ZFYVE28: variants seen among roughly 807,000 people sequenced by gnomAD.
The protein encoded by ZFYVE28 is zinc finger FYVE-type containing 28.
ZFYVE28 carries 40 observed loss-of-function variants against 82.1 expected under a neutral mutation model. That is an observed-to-expected ratio of 0.49 (90% confidence interval 0.38 to 0.63). The LOEUF is 0.63. Ranked by LOEUF, ZFYVE28 falls within the 30% of genes least tolerant of loss-of-function variation. ZFYVE28 has a pLI of 0.00. For synonymous variants in ZFYVE28, 612 were observed against 546.1 expected, an observed-to-expected ratio of 1.12 and a Z score of -1.68; for missense variants, 1,321 against 1,242.1, an observed-to-expected ratio of 1.06 and a Z score of -0.96.
At chr4:2,353,783 C>T in intron 2 of ZFYVE28, 150 bp downstream of exon 2, 1 of 1,011,610 alleles carries the variant, frequency 9.9e-7, no homozygotes, top group Non-Finnish European at 1.3e-6. Flanking sequence ...CCGGGATGGT[C>T]CCTCTTCCTG....
rs781554640 is a variant in ZFYVE28 at position 2,408,567 on chromosome 4, G to A, written c.39+9718C>T. Reference sequence around the variant, plus strand: ...AGCTGGCTGACCCTTCCCAACTGAAGCTCCGCCCAGTTGGGCCCCGCCCAG... The same window carrying A: ...AGCTGGCTGACCCTTCCCAACTGAAACTCCGCCCAGTTGGGCCCCGCCCAG... On this transcript the variant is annotated intron_variant, in intron 1 of 12. Coordinates refer to ENST00000290974, the MANE Select transcript of ZFYVE28 (RefSeq NM_020972.3). The surrounding 1 kb of genome is among the most constrained non-coding windows in gnomAD (Gnocchi z 4.3). 8.5e-5 allele frequency among the ~76,000 whole-genome samples: 13 copies of A among 152,202 alleles called. No individual in the cohort carries two copies. The highest frequency in any genetic ancestry group is 1.6e-4 in the Non-Finnish European group (11 of 68,028).
rs1414209665 is a variant in ZFYVE28, at chr4:2,348,415, C to A, written c.180+5518G>T. Among the ~76,000 whole-genome samples the A allele has an allele frequency of 2.0e-5, 3 of 152,218 alleles. No individual in the cohort carries two copies. The East Asian group carries it at 5.8e-4, about 29-fold the overall frequency. ...ACACTACACAAACTCTTCCATAAAA[C>A]TGAAGAGGACAGAATCCTTCACAAC... is the stretch of plus-strand genomic sequence containing the variant. On this transcript the variant is annotated intron_variant, in intron 2 of 12. Transcript: ENST00000290974.
At chr4:2,283,344 T>TATCCATCCATCC (rs145125230) in intron 8 of ZFYVE28, among the ~76,000 whole-genome samples, 8 of 120,164 alleles carry the variant, frequency 6.7e-5, no homozygotes, top group African/African-American at 3.0e-4. Context: ...CCCATCCATT[T>TATCCATCCATCC]ATCCATCCAT....
chr4:2,334,372 G>A (rs1050530300), intron 6 of ZFYVE28, among the ~76,000 whole-genome samples: 3 of 152,014 alleles, frequency 2.0e-5, no homozygotes, highest in Middle Eastern at 3.2e-3. Context: ...CCAACAAGGG[G>A]TGTTCGGCGC....
At position 2,300,723 on chromosome 4, in the gene ZFYVE28, C is replaced by T. The variant is rs1031313869; in HGVS notation, c.2051+3566G>A. On this transcript the variant is annotated intron_variant, in intron 8 of 12. Coordinates refer to ENST00000290974, the MANE Select transcript of ZFYVE28 (RefSeq NM_020972.3). The surrounding 1 kb of genome is among the most constrained non-coding windows in gnomAD (Gnocchi z 4.6). Reference sequence around the variant, plus strand: ...GGGGGAATCTCACAGGCTGGTCGGCCGCAGCTCCACACATTTCCTTCATTT... The same window carrying T: ...GGGGGAATCTCACAGGCTGGTCGGCTGCAGCTCCACACATTTCCTTCATTT... Among the ~76,000 whole-genome samples the T allele has an allele frequency of 1.3e-5, 2 of 152,102 alleles. No individual in the cohort carries two copies. The highest frequency in any genetic ancestry group is 2.4e-5 in the African/African-American group (1 of 41,414).
chr4:2,380,597 C>T, intron 1 of ZFYVE28, among the ~76,000 whole-genome samples: 1 of 152,162 alleles, frequency 6.6e-6, no homozygotes, highest in Non-Finnish European at 1.5e-5. Context: ...GGCTGTGTCC[C>T]CACCCAAATC....
At position 2,394,137 on chromosome 4, in the gene ZFYVE28, C is replaced by G. The variant is rs550584822; in HGVS notation, c.39+24148G>C. On this transcript the variant is annotated intron_variant, in intron 1 of 12. Coordinates refer to ENST00000290974, the MANE Select transcript of ZFYVE28 (RefSeq NM_020972.3). This position sits in a 1 kb window ranked among gnomAD's most constrained non-coding sequence, Gnocchi z 4.0. The stretch of plus-strand genomic sequence containing the variant: ...CCCAGCTCCTCTGACTCTCCTGCCC[C>G]CTTCTCCACTACTGAGGACTCCTGT... 2.0e-5 allele frequency among the ~76,000 whole-genome samples: 3 copies of G among 152,190 alleles called. No homozygotes were observed. The highest frequency in any genetic ancestry group is 4.4e-5 in the Non-Finnish European group (3 of 68,032).
At chr4:2,369,837 T>TA (rs1560296818) in intron 1 of ZFYVE28, among the ~76,000 whole-genome samples, 5 of 111,460 alleles carry the variant, frequency 4.5e-5, no homozygotes, top group Admixed American at 1.0e-4. Context: ...GAAGGGATTT[T>TA]TTTTTTTCTT....
chr4:2,299,935 T>A (rs1417939214), intron 8 of ZFYVE28, among the ~76,000 whole-genome samples: 2 of 152,064 alleles, frequency 1.3e-5, no homozygotes, highest in Non-Finnish European at 2.9e-5. Flanking sequence ...TAGCTGGGAC[T>A]ACAGGCCCAC....
intron 7 of ZFYVE28, among the ~76,000 whole-genome samples, chr4:2,307,256 T>C (rs1436991646): frequency 6.6e-6 from 1 of 152,214 alleles, no homozygotes; most frequent in Non-Finnish European, 1.5e-5. Context: ...TTGTCTGCCT[T>C]TTTCTTATTG....
intron 1 of ZFYVE28, among the ~76,000 whole-genome samples, chr4:2,396,826 AG>A (rs1730522387): frequency 6.6e-6 from 1 of 152,150 alleles, no homozygotes; most frequent in South Asian, 2.1e-4. Context: ...GCTGAAATGG[AG>A]GGCGGACAGC....
At position 2,341,731 on chromosome 4, in the gene ZFYVE28, T is replaced by C. The variant is rs1722843279; in HGVS notation, c.181-116A>G. On this transcript the variant is annotated intron_variant, in intron 2 of 12. Coordinates refer to ENST00000290974, the MANE Select transcript of ZFYVE28 (RefSeq NM_020972.3). This position sits in a 1 kb window ranked among gnomAD's most constrained non-coding sequence, Gnocchi z 4.5. ...CTGTTTTTTAGGATTATTAAAGTGA[T>C]AGAGGAGGCTAGGCACGGTGGCTCA... 2 of 1,424,114 alleles carry C rather than the reference T, an allele frequency of 1.4e-6. No homozygotes were observed. The highest frequency in any genetic ancestry group is 1.9e-6 in the Non-Finnish European group (2 of 1,046,648). 88.2% of individuals were successfully genotyped at this position (1,424,114 alleles called of 1,614,324 possible). A position where few individuals can be genotyped will look rare whatever the true frequency, so the allele number is the denominator to read the frequency against.
chr4:2,399,128 G>GGTGGGGGATGAGAT, intron 1 of ZFYVE28, among the ~76,000 whole-genome samples: 1 of 108,106 alleles, frequency 9.3e-6, no homozygotes, highest in East Asian at 2.7e-4. Context: ...GAGGGCACAA[G>GGTGGGGGATGAGAT]CTGGGTGGTG....
chr4:2,357,608 G>C (rs59743241), intron 1 of ZFYVE28, among the ~76,000 whole-genome samples: 2,219 of 152,266 alleles, frequency 0.015, 52 homozygotes, highest in African/African-American at 0.051. Flanking sequence ...GCCTGGTGTG[G>C]ATGGTCCCAC....
Position 2,334,527 on chromosome 4 carries a change from G to A in ZFYVE28, c.701+1178C>T, listed in dbSNP as rs191706813. Among the ~76,000 whole-genome samples, 11 of 151,812 alleles carry A rather than the reference G, an allele frequency of 7.2e-5. No individual in the cohort carries two copies. The East Asian group carries it at 1.8e-3, about 24-fold the overall frequency. On this transcript the variant is annotated intron_variant, in intron 6 of 12. Transcript: ENST00000290974. ...ATGCTCAACCCCAGTGCACTGCCACGTGTGCCTGTGCCCCGGGGTCCCCTG... is the reference window on the plus strand; with the variant it reads ...ATGCTCAACCCCAGTGCACTGCCACATGTGCCTGTGCCCCGGGGTCCCCTG...
intron 1 of ZFYVE28, among the ~76,000 whole-genome samples, chr4:2,411,778 C>G (rs996036122): frequency 3.3e-5 from 5 of 152,208 alleles, no homozygotes; most frequent in Admixed American, 6.5e-5. Flanking sequence ...CGGATAGAAG[C>G]TCATCCCCTC....
intron 8 of ZFYVE28, among the ~76,000 whole-genome samples, chr4:2,282,757 C>T (rs1466562829): frequency 2.0e-5 from 3 of 152,078 alleles, no homozygotes; most frequent in African/African-American, 7.2e-5. Context: ...ATTATGACAT[C>T]AGATACATTA....
chr4:2,357,363 T>C (rs999783340), intron 1 of ZFYVE28, among the ~76,000 whole-genome samples: 4 of 152,168 alleles, frequency 2.6e-5, no homozygotes, highest in African/African-American at 9.7e-5. Flanking sequence ...GAACAGCACC[T>C]TCCTACCAGA....
intron 1 of ZFYVE28, among the ~76,000 whole-genome samples, chr4:2,413,365 G>A (rs1732715111): frequency 6.6e-6 from 1 of 152,262 alleles, no homozygotes; most frequent in Non-Finnish European, 1.5e-5. Flanking sequence ...CTTTCTGGGA[G>A]GGGTGGCATG....
Sources: allele counts gnomAD v4.1 joint callset (sites outside exome capture counted in the v4.1 genomes callset), GRCh38; gene constraint gnomAD v4.1.1; non-coding constraint Gnocchi (gnomAD v3.1); transcripts MANE v1.5; gene names NCBI Gene and HGNC (gene_info 2026-07-23, HGNC 2026-07-21).